The following KANK2 variants were observed in gnomAD, a reference collection of about 807,000 sequenced individuals.
KANK2 encodes KN motif and ankyrin repeat domain-containing protein 2.
Under a neutral mutation model 74.6 loss-of-function variants are expected in KANK2, and 41 were observed. The observed-to-expected ratio is 0.55, with a 90% CI of 0.43 to 0.71. The LOEUF (loss-of-function observed/expected upper bound fraction) is 0.71. Among genes scored for constraint, KANK2 ranks in the 30% least tolerant of loss-of-function variants. The pLI is 0.00. For synonymous variants in KANK2, 537 were observed against 519.0 expected, an observed-to-expected ratio of 1.03 and a Z score of -0.47; for missense variants, 1,148 against 1,196.4, an observed-to-expected ratio of 0.96 and a Z score of 0.60.
At position 11,193,921 on chromosome 19, in the gene KANK2, G is replaced by C. The variant is rs776703187; in HGVS notation, c.159C>G (p.Ile53Met). Residue 53 changes from isoleucine to methionine, a missense_variant, in exon 4 of 13, where the codon ATC (isoleucine) becomes ATG (methionine). By Grantham distance (10) the Ile-to-Met change is conservative. Transcript: ENST00000586659. This position sits in a 1 kb window ranked among gnomAD's most constrained non-coding sequence, Gnocchi z 9.6. Reference protein sequence around the residue: ...DLDFLKYVDDIEKGHTLRRVA... With the variant: ...DLDFLKYVDDMEKGHTLRRVA... Reference sequence around the variant, plus strand: ...CGCGTCGCAGCGTGTGGCCCTTCTCGATGTCATCCACGTACTTGAGGAAGT... The same window carrying C: ...CGCGTCGCAGCGTGTGGCCCTTCTCCATGTCATCCACGTACTTGAGGAAGT... 7.4e-6 allele frequency: 12 copies of C among 1,613,940 alleles called. No individual in the cohort carries two copies. Among genetic ancestry groups the C allele is most frequent in the Non-Finnish European group, 9.3e-6 (11 of 1,180,012 alleles).
Position 11,178,690 on chromosome 19 carries a change from G to A in KANK2, c.1280C>T (p.Ser427Leu), listed in dbSNP as rs200227484. 7.1e-6 allele frequency: 11 copies of A among 1,539,728 alleles called. No homozygotes were observed. Among genetic ancestry groups the A allele is most frequent in the South Asian group, 2.5e-5 (2 of 80,696 alleles). ...GLPEVPAESS[S>L]SPPGSEVASL... ...GGCTACCTCGGACCCCGGGGGTGAC[G>A]AAGACGATTCGGCAGGAACTTCTGG... The change falls in exon 5 of 13, where the codon TCG (serine) becomes TTG (leucine). Residue 427 changes from serine to leucine, a missense_variant. Transcript: ENST00000586659.
At chr19:11,194,217 T>G (rs1403634385) in intron 3 of KANK2, among the ~76,000 whole-genome samples, 175 bp from the exon 4 acceptor site, 1 of 151,970 alleles carries the variant, frequency 6.6e-6, no homozygotes, top group Non-Finnish European at 1.5e-5. Context: ...CCCTTCAGAC[T>G]CCCGGCGCTA....
rs2077973667 is a variant in KANK2, at chr19:11,164,412, A to G, written c.*2146T>C. 1 of 152,116 alleles carries G rather than the reference A, an allele frequency of 6.6e-6. No individual in the cohort carries two copies. The highest frequency in any genetic ancestry group is 2.4e-5 in the African/African-American group (1 of 41,420). 9.4% of individuals were successfully genotyped at this position (152,116 alleles called of 1,614,324 possible). On this transcript the variant is annotated 3_prime_UTR_variant, in exon 13 of 13. Coordinates refer to ENST00000586659, the MANE Select transcript of KANK2 (RefSeq NM_001136191.3). ...AAATTAAAGCTCATGGATATGCGTG[A>G]GAAGAGAATGGGCGCAGAGGCACGA...
At chr19:11,171,845 A>AT (rs1312163578) in intron 10 of KANK2, among the ~76,000 whole-genome samples, 60 of 146,244 alleles carry the variant, frequency 4.1e-4, no homozygotes, top group African/African-American at 7.6e-4. Flanking sequence ...TAATTTTTAT[A>AT]TATTTTTTTT....
intron 6 of KANK2, 63 bp downstream of exon 6, chr19:11,178,282 T>C (rs1445111694): frequency 8.8e-7 from 1 of 1,133,442 alleles, no homozygotes; most frequent in Non-Finnish European, 1.1e-6. Context: ...GAGGCTCTCG[T>C]GCGTGGATGA....
intron 4 of KANK2, among the ~76,000 whole-genome samples, chr19:11,190,796 T>A (rs1051129328): frequency 6.6e-6 from 1 of 151,998 alleles, no homozygotes; most frequent in African/African-American, 2.4e-5. Context: ...AGTGGCACAA[T>A]CTCAGCTCAC....
chr19:11,183,966 C>T (rs185478160), intron 4 of KANK2, among the ~76,000 whole-genome samples: 1 of 152,232 alleles, frequency 6.6e-6, no homozygotes, highest in African/African-American at 2.4e-5. Flanking sequence ...AAGCAATTTT[C>T]CCACCAAAGT....
chr19:11,176,657 C>T lies in KANK2; in HGVS notation c.1681G>A (p.Glu561Lys). 3 of 1,613,746 alleles carry T rather than the reference C, an allele frequency of 1.9e-6. No individual in the cohort carries two copies. The highest frequency in any genetic ancestry group is 2.5e-6 in the Non-Finnish European group (3 of 1,179,886). The part of the protein sequence containing the change: ...GTAAAKTSRQ[E>K]CQLSRESQHI... ...TGAGATTCTCGAGACAGCTGACACT[C>T]CTGCCGGCTGGTCTTGGCCGCTGCC... Residue 561 changes from glutamate to lysine, a missense_variant, in exon 7 of 13, where the codon GAG becomes AAG. Transcript: ENST00000586659.
At chr19:11,184,403 G>A (rs2078617884) in intron 4 of KANK2, among the ~76,000 whole-genome samples, 2 of 135,504 alleles carry the variant, frequency 1.5e-5, no homozygotes, top group Admixed American at 1.5e-4. Flanking sequence ...CAAAAATGAA[G>A]ACCTCTGAGA....
chr19:11,171,998 C>CA, intron 10 of KANK2, among the ~76,000 whole-genome samples: 1 of 118,462 alleles, frequency 8.4e-6, no homozygotes, highest in South Asian at 2.8e-4. Context: ...TTTTTTGAGA[C>CA]AGAGTCTCAC....
chr19:11,166,885 A>G (rs183096243), intron 12 of KANK2, among the ~76,000 whole-genome samples: 1 of 152,290 alleles, frequency 6.6e-6, no homozygotes, highest in Admixed American at 6.5e-5. Flanking sequence ...AACGGCATCA[A>G]GGAGCCAGCG....
At chr19:11,185,681 G>C (rs1248497131) in intron 4 of KANK2, among the ~76,000 whole-genome samples, 2 of 150,212 alleles carry the variant, frequency 1.3e-5, no homozygotes, top group Admixed American at 1.3e-4. Flanking sequence ...TTGACTTACA[G>C]AGGAACCTTA....
chr19:11,175,621 A>G (rs2078314740), intron 8 of KANK2, among the ~76,000 whole-genome samples: 1 of 150,752 alleles, frequency 6.6e-6, no homozygotes, highest in African/African-American at 2.4e-5. Flanking sequence ...GTAGATGCCC[A>G]AAAAGGGAAA....
intron 12 of KANK2, among the ~76,000 whole-genome samples, chr19:11,168,880 C>A (rs1360089076): frequency 6.6e-6 from 1 of 152,110 alleles, no homozygotes; most frequent in East Asian, 1.9e-4. Flanking sequence ...TAGCGTGAAC[C>A]CCATGCACAA....
In KANK2 at chr19:11,193,728, C is replaced by T. The variant is rs755237; in HGVS notation, c.352G>A (p.Gly118Ser). 0.081 allele frequency: 130,592 copies of T among 1,612,280 alleles called. 5,819 individuals are homozygous for T. The highest frequency in any genetic ancestry group is 0.11 in the Admixed American group (6,466 of 60,006). Residue 118 changes from glycine (G) to serine (S), a missense_variant, in exon 4 of 13, where the codon GGT (glycine) becomes AGT (serine). Transcript: ENST00000586659. The surrounding 1 kb of genome is among the most constrained non-coding windows in gnomAD (Gnocchi z 9.6). The stretch of plus-strand genomic sequence containing the variant: ...CGCTCCACCCGCGGATTGAAGCCAC[C>T]GCGGGTCTCCAGAGCACCATACTGA... ...YPQYGALETRGGFNPRVERTL... is the reference protein window; with the variant it reads ...YPQYGALETRSGFNPRVERTL...
rs372040485 is a variant in KANK2 at position 11,193,514 on chromosome 19, C to T, written c.566G>A (p.Arg189Gln). Reference sequence around the variant, plus strand: ...CCGCAGGGCACCCGCCATCTGCTCCCGCACGTGGGCCAGGTGCCCGGCACT... The same window carrying T: ...CCGCAGGGCACCCGCCATCTGCTCCTGCACGTGGGCCAGGTGCCCGGCACT... The part of the protein sequence containing the change: ...PPSAGHLAHV[R>Q]EQMAGALRKL... The change falls in exon 4 of 13, where the codon CGG becomes CAG. Residue 189 changes from arginine (R) to glutamine (Q), a missense_variant. Transcript: ENST00000586659. The surrounding 1 kb of genome is among the most constrained non-coding windows in gnomAD (Gnocchi z 9.6). The T allele has an allele frequency of 1.1e-5, 18 of 1,608,500 alleles. No individual in the cohort carries two copies. Among genetic ancestry groups the T allele is most frequent in the East Asian group, 2.2e-5 (1 of 44,872 alleles).
At position 11,170,395 on chromosome 19, in the gene KANK2, TC is replaced by T. The variant is rs2078142272; in HGVS notation, c.2212-148del. The T allele has an allele frequency of 1.1e-5, 7 of 630,828 alleles. No homozygotes were observed. Among genetic ancestry groups the T allele is most frequent in the Non-Finnish European group, 1.9e-5 (7 of 361,978 alleles). 39.1% of individuals were successfully genotyped at this position (630,828 alleles called of 1,614,324 possible). A position where few individuals can be genotyped will look rare whatever the true frequency, so the allele number is the denominator to read the frequency against. ...TCTCCTCCTGAATCTCAAACAACCCTCCCGTCACCAGGGGAGTAATAAATCC... is the reference window on the plus strand; with the variant it reads ...TCTCCTCCTGAATCTCAAACAACCCTCCGTCACCAGGGGAGTAATAAATCC... On this transcript the variant is annotated intron_variant, in intron 10 of 12. Transcript: ENST00000586659. The surrounding 1 kb of genome is among the most constrained non-coding windows in gnomAD (Gnocchi z 5.2).
At chr19:11,180,782 G>A (rs1028657058) in intron 4 of KANK2, among the ~76,000 whole-genome samples, 1 of 152,058 alleles carries the variant, frequency 6.6e-6, no homozygotes, top group African/African-American at 2.4e-5. Flanking sequence ...AATGCAGGGC[G>A]CCTAACTTGA....
rs954765826 is a variant in KANK2 at position 11,170,606 on chromosome 19, T to C, written c.2212-358A>G. Among the ~76,000 whole-genome samples the C allele has an allele frequency of 3.9e-5, 6 of 152,202 alleles. No homozygotes were observed. The East Asian group carries it at 9.6e-4, about 24-fold the overall frequency. ...CTTTTGGTTTTGTTTTGCTTTATTT[T>C]AGAGACAGGGTCTTGCTCTGTTGCC... On this transcript the variant is annotated intron_variant, in intron 10 of 12. Coordinates refer to ENST00000586659, the MANE Select transcript of KANK2 (RefSeq NM_001136191.3). This position sits in a 1 kb window ranked among gnomAD's most constrained non-coding sequence, Gnocchi z 5.2.
Sources: allele counts gnomAD v4.1 joint callset (sites outside exome capture counted in the v4.1 genomes callset), GRCh38; gene constraint gnomAD v4.1.1; non-coding constraint Gnocchi (gnomAD v3.1); transcripts MANE v1.5; gene names NCBI Gene and HGNC (gene_info 2026-07-23, HGNC 2026-07-21).